Variants in SV2C observed in about 807,000 individuals in gnomAD.
The protein encoded by SV2C is solute carrier family 22 member B3.
SV2C carries 49 observed loss-of-function variants against 79.7 expected under a neutral mutation model. The observed-to-expected ratio is 0.61, with a 90% CI of 0.49 to 0.78. The LOEUF (loss-of-function observed/expected upper bound fraction) is 0.78. Ranked by LOEUF, SV2C falls within the 30% of genes least tolerant of loss-of-function variation. The pLI, the probability that SV2C is intolerant of heterozygous loss-of-function variation, is 0.00. For missense variants in SV2C, 833 were observed against 912.9 expected, an observed-to-expected ratio of 0.91 and a Z score of 1.13; for synonymous variants, 334 against 333.2, an observed-to-expected ratio of 1.00 and a Z score of -0.03.
At chr5:75,976,037 C>T in the SV2C span, among the ~76,000 whole-genome samples, 1 of 152,134 alleles carries the variant, frequency 6.6e-6, no homozygotes, top group Non-Finnish European at 1.5e-5. Flanking sequence ...GGAATAACAG[C>T]AATGGCTCAT....
rs184715553 is a variant in SV2C, at chr5:76,309,375, C to T, written c.2000+7830C>T. On this transcript the variant is annotated intron_variant, in intron 12 of 12. Coordinates refer to ENST00000502798, the MANE Select transcript of SV2C (RefSeq NM_014979.4). Reference sequence around the variant, plus strand: ...CAGCACTTTGGGAGGCCAAGGCAGGCGGATTACGAGGTCAGGAGATCGAGA... The same window carrying T: ...CAGCACTTTGGGAGGCCAAGGCAGGTGGATTACGAGGTCAGGAGATCGAGA... 9.6e-3 allele frequency among the ~76,000 whole-genome samples: 1,456 copies of T among 151,918 alleles called. 31 individuals are homozygous for T. Among genetic ancestry groups the T allele is most frequent in the African/African-American group, 0.032 (1,342 of 41,408 alleles).
At chr5:76,059,294 C>T in the SV2C span, among the ~76,000 whole-genome samples, 1 of 151,996 alleles carries the variant, frequency 6.6e-6, no homozygotes, top group African/African-American at 2.4e-5. Context: ...CTTCCTTTCA[C>T]AAAGGATTTC....
At chr5:76,108,691 A>G (rs1315852229) in intron 1 of SV2C, among the ~76,000 whole-genome samples, 3 of 152,164 alleles carry the variant, frequency 2.0e-5, no homozygotes, top group Non-Finnish European at 2.9e-5. Context: ...ATAAAAGATC[A>G]TGTTTTGGTT....
intron 2 of SV2C, among the ~76,000 whole-genome samples, chr5:76,166,208 T>C (rs1743042836): frequency 1.3e-5 from 2 of 152,178 alleles, no homozygotes; most frequent in Non-Finnish European, 2.9e-5. Context: ...GTAAAGCAAA[T>C]TCCTATGCAT....
intron 4 of SV2C, among the ~76,000 whole-genome samples, chr5:76,259,916 T>A (rs1436996671): frequency 6.6e-6 from 1 of 152,204 alleles, no homozygotes; most frequent in African/African-American, 2.4e-5. Flanking sequence ...TATGTGTGCA[T>A]GTGTCTTTAT....
the SV2C span, among the ~76,000 whole-genome samples, chr5:75,947,453 G>A: frequency 6.7e-6 from 1 of 149,600 alleles, no homozygotes; most frequent in Admixed American, 6.6e-5. Flanking sequence ...ATACTGGGAA[G>A]ACATCATAGA....
At chr5:76,276,888 C>T (rs1043830933) in intron 4 of SV2C, among the ~76,000 whole-genome samples, 1 of 151,932 alleles carries the variant, frequency 6.6e-6, no homozygotes, top group African/African-American at 2.4e-5. Flanking sequence ...AACATATCTG[C>T]CTTTTTCAAT....
intron 2 of SV2C, among the ~76,000 whole-genome samples, chr5:76,188,523 T>TAC (rs966868612): frequency 3.3e-5 from 5 of 152,148 alleles, no homozygotes; most frequent in Admixed American, 1.3e-4. Context: ...GACCCAAAGT[T>TAC]CAGAGTGGTA....
intron 12 of SV2C, among the ~76,000 whole-genome samples, chr5:76,313,309 C>T (rs1302942362): frequency 6.6e-6 from 1 of 152,162 alleles, no homozygotes; most frequent in Non-Finnish European, 1.5e-5. Context: ...CACTCCATCC[C>T]TGGCCCTCTG....
At chr5:75,960,356 C>A in the SV2C span, among the ~76,000 whole-genome samples, 1 of 152,036 alleles carries the variant, frequency 6.6e-6, no homozygotes, top group Middle Eastern at 3.4e-3. Flanking sequence ...AATGATGGAT[C>A]ACTTATACAG....
chr5:75,927,234 G>C, the SV2C span, among the ~76,000 whole-genome samples: 1 of 151,970 alleles, frequency 6.6e-6, no homozygotes, highest in Non-Finnish European at 1.5e-5. Context: ...CCGAAATATG[G>C]AAACAACCCA....
intron 1 of SV2C, among the ~76,000 whole-genome samples, chr5:76,114,868 A>G (rs1748214548): frequency 6.6e-6 from 1 of 152,264 alleles, no homozygotes; most frequent in Non-Finnish European, 1.5e-5. Context: ...CTGATGAATT[A>G]TATTTATAAA....
chr5:75,968,068 G>A, the SV2C span, among the ~76,000 whole-genome samples: 1 of 152,206 alleles, frequency 6.6e-6, no homozygotes, highest in South Asian at 2.1e-4. Flanking sequence ...ACAGGGTCTG[G>A]AATGGACCTC....
upstream of SV2C, chr5:76,079,192 G>A (rs1746938453): frequency 2.9e-6 from 1 of 344,376 alleles, no homozygotes. Flanking sequence ...AGAGTGATTT[G>A]GCATATACCT....
chr5:76,218,533 C>T (rs1283650778), intron 4 of SV2C, among the ~76,000 whole-genome samples: 1 of 152,136 alleles, frequency 6.6e-6, no homozygotes, highest in Non-Finnish European at 1.5e-5. Context: ...CATGTTCTCA[C>T]TCATAAGTGG....
chr5:76,335,414 C>CTTTTTTT (rs869230352), downstream of SV2C, among the ~76,000 whole-genome samples: 33 of 98,106 alleles, frequency 3.4e-4, no homozygotes, highest in African/African-American at 4.3e-4. Context: ...ACACATTTTC[C>CTTTTTTT]TTTTTTTTTT....
chr5:75,897,977 A>T, the SV2C span, among the ~76,000 whole-genome samples: 1 of 151,682 alleles, frequency 6.6e-6, no homozygotes, highest in African/African-American at 2.4e-5. Context: ...GGCTGAGACA[A>T]TGGGGTTTTC....
chr5:76,114,201 A>G (rs1748187661), intron 1 of SV2C, among the ~76,000 whole-genome samples: 2 of 152,156 alleles, frequency 1.3e-5, no homozygotes, highest in African/African-American at 4.8e-5. Context: ...CCTCCCTTCT[A>G]GAGGCCACAA....
At chr5:76,184,915 G>C (rs760424244) in intron 2 of SV2C, among the ~76,000 whole-genome samples, 48 of 152,062 alleles carry the variant, frequency 3.2e-4, no homozygotes, top group Admixed American at 1.8e-3. Flanking sequence ...TAACCCAAAG[G>C]TCCAAGTCCA....
Sources: gnomAD v4.1 joint callset for allele counts (sites outside exome capture counted in the v4.1 genomes callset) on GRCh38, gnomAD v4.1.1 for gene constraint, MANE v1.5 for transcripts, NCBI Gene and HGNC (gene_info 2026-07-23, HGNC 2026-07-21) for gene names.